DTNA: variants seen among roughly 807,000 people sequenced by gnomAD.
DTNA encodes dystrophin-related protein 3.
Under a neutral mutation model 100.7 loss-of-function variants are expected in DTNA, and 43 were observed. The ratio of observed to expected loss-of-function variants is 0.43; its 90% CI spans 0.33 to 0.55. The LOEUF is 0.55. Among genes scored for constraint, DTNA ranks in the 20% least tolerant of loss-of-function variants. DTNA has a pLI of 0.04. For missense variants in DTNA, 798 were observed against 953.9 expected, an observed-to-expected ratio of 0.84 and a Z score of 2.15; for synonymous variants, 349 against 347.9, an observed-to-expected ratio of 1.00 and a Z score of -0.04.
intron 1 of DTNA, among the ~76,000 whole-genome samples, chr18:34,642,617 G>A (rs1324820963): frequency 6.6e-6 from 1 of 151,696 alleles, no homozygotes; most frequent in Non-Finnish European, 1.5e-5. Context: ...GGAATGCAGT[G>A]GCGCGATCTC....
chr18:34,529,475 A>G (rs918592544), intron 1 of DTNA, among the ~76,000 whole-genome samples: 2 of 152,090 alleles, frequency 1.3e-5, no homozygotes, highest in African/African-American at 4.8e-5. Flanking sequence ...TCAAACAAAG[A>G]TTTGCCTCAA....
chr18:34,862,177 C>T (rs1361370407), intron 16 of DTNA, among the ~76,000 whole-genome samples: 1 of 148,400 alleles, frequency 6.7e-6, no homozygotes, highest in African/African-American at 2.5e-5. Context: ...GAATTTGTCA[C>T]TGAGGAATAT....
chr18:34,547,958 A>G (rs993585846), intron 1 of DTNA, among the ~76,000 whole-genome samples: 2 of 152,174 alleles, frequency 1.3e-5, no homozygotes, highest in African/African-American at 4.8e-5. Context: ...TTTGAGATAA[A>G]TCTAAAATAA....
intron 1 of DTNA, among the ~76,000 whole-genome samples, chr18:34,662,344 A>G (rs900619948): frequency 2.6e-5 from 4 of 152,130 alleles, no homozygotes; most frequent in Admixed American, 6.6e-5. Flanking sequence ...AGATGTCCCT[A>G]TGAGCTTTGC....
intron 1 of DTNA, among the ~76,000 whole-genome samples, chr18:34,503,356 C>T (rs1250193343): frequency 3.7e-5 from 5 of 136,594 alleles, no homozygotes; most frequent in Middle Eastern, 4.4e-3. Context: ...GGTGCAATCT[C>T]GGCTCACTGC....
chr18:34,836,429 G>C (rs2096146025), intron 11 of DTNA, among the ~76,000 whole-genome samples: 2 of 152,138 alleles, frequency 1.3e-5, no homozygotes, highest in South Asian at 4.1e-4. Context: ...GAGGGGGGCA[G>C]ATCACTTGAG....
chr18:34,729,898 G>A (rs977772998), intron 1 of DTNA, among the ~76,000 whole-genome samples: 3 of 151,812 alleles, frequency 2.0e-5, no homozygotes, highest in African/African-American at 7.3e-5. Context: ...TCTACCCAGT[G>A]ATTAAACCTC....
chr18:34,849,163 A>G (rs2096435767), intron 14 of DTNA, among the ~76,000 whole-genome samples: 1 of 152,224 alleles, frequency 6.6e-6, no homozygotes, highest in South Asian at 2.1e-4. Context: ...AAAATCAGAC[A>G]TGATAAAACA....
chr18:34,625,008 A>G (rs1358625476), intron 1 of DTNA, among the ~76,000 whole-genome samples: 1 of 151,472 alleles, frequency 6.6e-6, no homozygotes, highest in East Asian at 1.9e-4. Flanking sequence ...AGCTGAGACT[A>G]CAGGCAGATG....
chr18:34,558,520 T>C (rs1171096091), intron 1 of DTNA, among the ~76,000 whole-genome samples: 1 of 152,164 alleles, frequency 6.6e-6, no homozygotes, highest in African/African-American at 2.4e-5. Flanking sequence ...ACTGCCCTTA[T>C]GGAGTGTACA....
At chr18:34,601,004 C>G (rs745712097) in intron 1 of DTNA, among the ~76,000 whole-genome samples, 98 of 152,194 alleles carry the variant, frequency 6.4e-4, no homozygotes, top group Non-Finnish European at 1.2e-3. Context: ...ATAATATGAT[C>G]CTACCATTGG....
chr18:34,658,756 G>C (rs754537068), intron 1 of DTNA, among the ~76,000 whole-genome samples: 1 of 152,204 alleles, frequency 6.6e-6, no homozygotes. Flanking sequence ...GTCTAAAACA[G>C]AACAGAAAAG....
rs115079391 is a variant in DTNA, at chr18:34,719,531, A to G, written c.-2+9086A>G. Among the ~76,000 whole-genome samples, 938 of 152,230 alleles carry G rather than the reference A, an allele frequency of 6.2e-3. 6 individuals are homozygous for G. Among genetic ancestry groups the G allele is most frequent in the African/African-American group, 0.02 (833 of 41,532 alleles). On this transcript the variant is annotated intron_variant, in intron 1 of 22. Transcript: ENST00000444659. ...GCTCTATTTAATCAGCTCAACTACTACGCCATCCTGCCTACTCTTAATCTA... is the reference window on the plus strand; with the variant it reads ...GCTCTATTTAATCAGCTCAACTACTGCGCCATCCTGCCTACTCTTAATCTA...
At chr18:34,873,055 G>C (rs2096780707) in intron 17 of DTNA, among the ~76,000 whole-genome samples, 1 of 152,196 alleles carries the variant, frequency 6.6e-6, no homozygotes, top group Admixed American at 6.5e-5. Flanking sequence ...AGGATTACAT[G>C]AAGTATTAGG....
intron 1 of DTNA, among the ~76,000 whole-genome samples, chr18:34,753,047 T>A (rs947991434): frequency 5.9e-5 from 9 of 152,246 alleles, no homozygotes; most frequent in Non-Finnish European, 1.0e-4. Flanking sequence ...TTAGCTTGTT[T>A]TGCTGTTTTC....
chr18:34,834,593 C>G (rs2096093878), intron 11 of DTNA, among the ~76,000 whole-genome samples: 2 of 152,126 alleles, frequency 1.3e-5, no homozygotes, highest in Admixed American at 1.3e-4. Context: ...AGACTTCAGG[C>G]TGCTTCCACT....
At chr18:34,665,782 A>G (rs1003001538) in intron 1 of DTNA, among the ~76,000 whole-genome samples, 1 of 152,146 alleles carries the variant, frequency 6.6e-6, no homozygotes, top group African/African-American at 2.4e-5. Context: ...ATAGTATTCC[A>G]TGGTGTATAT....
At chr18:34,722,081 T>G (rs530290359) in intron 1 of DTNA, among the ~76,000 whole-genome samples, 1 of 152,320 alleles carries the variant, frequency 6.6e-6, no homozygotes, top group African/African-American at 2.4e-5. Flanking sequence ...AATTGCAACA[T>G]TTATTACCTT....
chr18:34,518,182 C>T (rs754170188), intron 1 of DTNA, among the ~76,000 whole-genome samples: 1 of 152,130 alleles, frequency 6.6e-6, no homozygotes, highest in African/African-American at 2.4e-5. Context: ...TAATGACTAA[C>T]GATGTTGAAC....
Sources: gnomAD v4.1 joint callset for allele counts (sites outside exome capture counted in the v4.1 genomes callset) on GRCh38, gnomAD v4.1.1 for gene constraint, MANE v1.5 for transcripts, NCBI Gene and HGNC (gene_info 2026-07-23, HGNC 2026-07-21) for gene names.